Variants in CDH3 observed in about 807,000 individuals in gnomAD.
CDH3 encodes the protein cadherin-3.
Under a neutral mutation model 82.0 loss-of-function variants are expected in CDH3, and 54 were observed. The ratio of observed to expected loss-of-function variants is 0.66; its 90% confidence interval spans 0.53 to 0.83. The LOEUF (loss-of-function observed/expected upper bound fraction) is 0.83. Among genes scored for constraint, CDH3 ranks in the 40% least tolerant of loss-of-function variants. The probability of loss-of-function intolerance (pLI) is 0.00; values close to 1 mark genes in which losing one functional copy is unlikely to be tolerated. For synonymous variants in CDH3, 446 were observed against 437.9 expected, an observed-to-expected ratio of 1.02 and a Z score of -0.23; for missense variants, 1,054 against 1,084.6, an observed-to-expected ratio of 0.97 and a Z score of 0.40.
At chr16:68,645,590 G>A (rs1376549255) in intron 1 of CDH3, 46 bp from the exon 2 acceptor site, 2 of 1,504,498 alleles carry the variant, frequency 1.3e-6, no homozygotes, top group Non-Finnish European at 1.8e-6. Context: ...TGCAGGGCCG[G>A]GCACGCCTGG....
chr16:68,710,297 G>T (rs796216293), intron 1 of CDH3, among the ~76,000 whole-genome samples: 11 of 152,336 alleles, frequency 7.2e-5, no homozygotes, highest in African/African-American at 2.6e-4. Flanking sequence ...AGGACTAAGG[G>T]CTGCCCTGGC....
chr16:68,662,224 A>C (rs1032675467), intron 2 of CDH3, among the ~76,000 whole-genome samples: 1 of 152,164 alleles, frequency 6.6e-6, no homozygotes, highest in African/African-American at 2.4e-5. Flanking sequence ...AGTGTGTGCA[A>C]AGGCCCTGTG....
At chr16:68,728,219 G>A (rs1262968726), downstream of CDH3, among the ~76,000 whole-genome samples, 2 of 152,032 alleles carry the variant, frequency 1.3e-5, no homozygotes, top group Non-Finnish European at 2.9e-5. Flanking sequence ...AGGCTGGAGC[G>A]CAGTGGCACG....
In CDH3 at chr16:68,687,622, G is replaced by A. The variant is rs151198926; in HGVS notation, c.1681G>A (p.Val561Met). The A allele has an allele frequency of 1.8e-3, 2,865 of 1,614,102 alleles. 4 individuals are homozygous for A. Among genetic ancestry groups the A allele is most frequent in the Non-Finnish European group, 2.2e-3 (2,587 of 1,180,002 alleles). Residue 561 changes from valine (V) to methionine (M), a missense_variant, in exon 12 of 16, where the codon GTG becomes ATG. Physicochemically the swap from Val to Met is conservative, Grantham distance 21. Transcript: ENST00000264012. Reference sequence around the variant, plus strand: ...GATCACCATCTGCAACCAAAGCCCTGTGCGCCAGGTGCTGAACATCACGGA... The same window carrying A: ...GATCACCATCTGCAACCAAAGCCCTATGCGCCAGGTGCTGAACATCACGGA... Reference protein sequence around the residue: ...RQITICNQSPVRQVLNITDKD... With the variant: ...RQITICNQSPMRQVLNITDKD...
intron 2 of CDH3, among the ~76,000 whole-genome samples, chr16:68,674,530 C>T (rs991211628): frequency 2.6e-5 from 4 of 151,972 alleles, no homozygotes; most frequent in African/African-American, 7.2e-5. Context: ...CCCAGGAGTT[C>T]GAGACCAGCT....
chr16:68,687,484 A>G (rs746802542), intron 11 of CDH3, 28 bp from the exon 12 acceptor site: 3 of 1,587,988 alleles, frequency 1.9e-6, no homozygotes, highest in Non-Finnish European at 2.6e-6. Context: ...GGTCACAGGG[A>G]GCTCATCATA....
intron 2 of CDH3, among the ~76,000 whole-genome samples, chr16:68,664,765 C>T (rs936416853): frequency 4.6e-4 from 70 of 151,924 alleles, no homozygotes; most frequent in African/African-American, 1.7e-3. Context: ...CTCAGGTGAT[C>T]CTCCCACCTC....
chr16:68,693,357 A>C (rs555339597), intron 13 of CDH3, among the ~76,000 whole-genome samples: 7 of 152,192 alleles, frequency 4.6e-5, no homozygotes, highest in African/African-American at 1.4e-4. Context: ...AGGGGTAAAA[A>C]GGTGATGGGA....
chr16:68,665,434 A>G (rs1014905887), intron 2 of CDH3, among the ~76,000 whole-genome samples: 1 of 152,062 alleles, frequency 6.6e-6, no homozygotes, highest in South Asian at 2.1e-4. Context: ...ATAAAGCACA[A>G]CACATCATAT....
intron 12 of CDH3, among the ~76,000 whole-genome samples, chr16:68,689,824 C>T (rs1961515683): frequency 6.6e-6 from 1 of 150,634 alleles, no homozygotes; most frequent in Non-Finnish European, 1.5e-5. Flanking sequence ...CTGAGATAGG[C>T]TGACAACCCG....
At chr16:68,675,429 C>T (rs1049789870) in intron 2 of CDH3, among the ~76,000 whole-genome samples, 3 of 152,124 alleles carry the variant, frequency 2.0e-5, no homozygotes, top group Non-Finnish European at 2.9e-5. Context: ...TAGGTAACAA[C>T]GTTGGTTGTG....
chr16:68,717,973 C>A (rs1019948052), intron 1 of CDH3, among the ~76,000 whole-genome samples: 1 of 151,930 alleles, frequency 6.6e-6, no homozygotes, highest in African/African-American at 2.4e-5. Flanking sequence ...TTTTCTTTTT[C>A]CTTTTCTTTT....
At chr16:68,714,143 A>G (rs1031783647) in intron 1 of CDH3, among the ~76,000 whole-genome samples, 10 of 152,202 alleles carry the variant, frequency 6.6e-5, no homozygotes, top group African/African-American at 2.2e-4. Flanking sequence ...TATGTTGGCC[A>G]GGCTGGTCTC....
Position 68,685,211 on chromosome 16 carries a change from C to T in CDH3, c.1431C>T (p.Arg477=), listed in dbSNP as rs1372507343. Residue 477 remains arginine, a synonymous_variant, in exon 11 of 16, where the codon CGC becomes CGT. Transcript: ENST00000264012. ...CTCAACTTTTCCTCTCCAGCTACCG[C>T]ATCCTGAGAGACCCAGCAGGGTGGC... The part of the protein sequence containing the change: ...PDKENQKISY[R]ILRDPAGWLA... 14 of 1,614,018 alleles carry T rather than the reference C, an allele frequency of 8.7e-6. No homozygotes were observed. Among genetic ancestry groups the T allele is most frequent in the Non-Finnish European group, 1.2e-5 (14 of 1,180,022 alleles).
At position 68,682,465 on chromosome 16, in the gene CDH3, A is replaced by AG; in HGVS notation, c.1163dup (p.Ile389HisfsTer11). ...ATCACCACCCACCCTGAGAGCAACC[A>AG]GGGCATCCTGACAACCAGGAAGGTG... is the stretch of plus-strand genomic sequence containing the variant. On this transcript the variant is annotated frameshift_variant, in exon 9 of 16. Transcript: ENST00000264012. LOFTEE classifies it high-confidence loss of function. 6.2e-7 allele frequency: 1 copy of AG among 1,614,112 alleles called. No individual in the cohort carries two copies. The highest frequency in any genetic ancestry group is 8.5e-7 in the Non-Finnish European group (1 of 1,180,016).
chr16:68,645,905 G>T, intron 2 of CDH3, 155 bp downstream of exon 2: 1 of 625,226 alleles, frequency 1.6e-6, no homozygotes, highest in Non-Finnish European at 2.8e-6. Flanking sequence ...GGGATTGGGG[G>T]TGGTGGCTGA....
chr16:68,687,431 C>A, intron 11 of CDH3, 81 bp from the exon 12 acceptor site: 1 of 1,047,744 alleles, frequency 9.5e-7, no homozygotes, highest in Non-Finnish European at 1.5e-6. Context: ...GAGGTGAGAG[C>A]TGGGCGGTAA....
At position 68,688,601 on chromosome 16, in the gene CDH3, A is replaced by G. The variant is rs548450256; in HGVS notation, c.1795+865A>G. On this transcript the variant is annotated intron_variant, in intron 12 of 15. Transcript: ENST00000264012. ...AGACTGTCTCAAATAAAATAAAATT[A>G]AAATGTCACTAGGGTTTTTTGTTTT... Among the ~76,000 whole-genome samples the G allele has an allele frequency of 4.0e-5, 6 of 151,896 alleles. No individual in the cohort carries two copies. The South Asian group carries it at 1.3e-3, about 32-fold the overall frequency.
downstream of CDH3, among the ~76,000 whole-genome samples, chr16:68,730,449 C>T (rs931928613): frequency 6.6e-6 from 1 of 151,880 alleles, no homozygotes; most frequent in Non-Finnish European, 1.5e-5. Context: ...TTGCTTGAAC[C>T]CAGGAGACGG....
Sources: gnomAD v4.1 joint callset for allele counts (sites outside exome capture counted in the v4.1 genomes callset) on GRCh38, gnomAD v4.1.1 for gene constraint, MANE v1.5 for transcripts, NCBI Gene and HGNC (gene_info 2026-07-23, HGNC 2026-07-21) for gene names.